Variants in DENND10 observed in about 807,000 individuals in gnomAD.
DENND10 encodes DENN domain containing 10, also known as DENN domain-containing protein 10.
In DENND10, 24 loss-of-function variants were observed where a neutral mutation model predicts 43.6. The ratio of observed to expected loss-of-function variants is 0.55; its 90% CI spans 0.40 to 0.77. The LOEUF is 0.77. DENND10 is among the 30% of genes least tolerant of loss of function. The pLI is 0.00. For synonymous variants in DENND10, 125 were observed against 157.6 expected (o/e 0.79, Z 1.55); for missense variants, 303 against 429.9 (o/e 0.70, Z 2.61).
intron 2 of DENND10, among the ~76,000 whole-genome samples, chr10:119,108,676 A>C: frequency 6.7e-6 from 1 of 149,400 alleles, no homozygotes; most frequent in Non-Finnish European, 1.5e-5. Context: ...TGTTTTTTTG[A>C]GATGGAGTTT....
At chr10:119,133,095 T>C (rs2420496) in intron 8 of DENND10, 100,188 of 160,442 alleles carry the variant, frequency 0.62, 31,769 homozygotes, top group African/African-American at 0.7. Flanking sequence ...TCCTTGCTGG[T>C]GTCTACCTGG....
rs188595639 is a variant in DENND10, at chr10:119,132,462, C to T, written c.803-53C>T. On this transcript the variant is annotated intron_variant, in intron 7 of 8. Coordinates refer to ENST00000361432, the MANE Select transcript of DENND10 (RefSeq NM_207009.4). This position sits in a 1 kb window ranked among gnomAD's most constrained non-coding sequence, Gnocchi z 4.2. The stretch of plus-strand genomic sequence containing the variant: ...GTCTTCCAAGTTTTCAGATAGATGG[C>T]ATGATTATTTTTTATGTCGATTTCT... 2.7e-4 allele frequency: 388 copies of T among 1,455,176 alleles called. 2 individuals carry two copies. The East Asian group carries it at 7.9e-3, about 30-fold the overall frequency. 90.1% of individuals were successfully genotyped at this position (1,455,176 alleles called of 1,614,324 possible).
intron 6 of DENND10, among the ~76,000 whole-genome samples, chr10:119,126,057 T>A (rs1845816626): frequency 6.6e-6 from 1 of 152,190 alleles, no homozygotes; most frequent in African/African-American, 2.4e-5. Flanking sequence ...CATGCAAAAT[T>A]TGTCTTTCTG....
chr10:119,124,615 C>G (rs2133506604), intron 6 of DENND10, among the ~76,000 whole-genome samples: 2 of 152,160 alleles, frequency 1.3e-5, no homozygotes, highest in East Asian at 3.9e-4. Context: ...AACTCCCGAA[C>G]TCAAGCGATC....
At position 119,125,496 on chromosome 10, in the gene DENND10, G is replaced by GCTTTTTTTTT. The variant is rs1564795181; in HGVS notation, c.694+1927_694+1928insCTTTTTTTTT. 1.7e-5 allele frequency among the ~76,000 whole-genome samples: 2 copies of GCTTTTTTTTT among 116,232 alleles called. 1 individual carries two copies. Among genetic ancestry groups the GCTTTTTTTTT allele is most frequent in the African/African-American group, 6.4e-5 (2 of 31,426 alleles). The allele number at this position is 116,232 out of a possible 152,430, so 76.3% of individuals were successfully genotyped here. A position where few individuals can be genotyped will look rare whatever the true frequency, so the allele number is the denominator to read the frequency against. On this transcript the variant is annotated intron_variant, in intron 6 of 8. Transcript: ENST00000361432. ...TAAGAACATTGTGATTCCACTTCTA[G>GCTTTTTTTTT]TTTTCTTTTTTTTTTTTTTTTTTTT...
intron 1 of DENND10, among the ~76,000 whole-genome samples, chr10:119,105,868 T>C (rs192895232): frequency 6.6e-6 from 1 of 151,446 alleles, no homozygotes; most frequent in Admixed American, 6.6e-5. Flanking sequence ...GGTGACAGAG[T>C]GAGACCCCCC....
intron 1 of DENND10, 69 bp downstream of exon 1, chr10:119,104,266 G>A (rs1844572072): frequency 3.6e-6 from 5 of 1,398,988 alleles, no homozygotes; most frequent in Non-Finnish European, 4.7e-6. Flanking sequence ...TCGGCCCGGG[G>A]CAGCCCGGGC....
At chr10:119,107,701 G>A (rs1844764524) in intron 1 of DENND10, among the ~76,000 whole-genome samples, 1 of 152,136 alleles carries the variant, frequency 6.6e-6, no homozygotes, top group African/African-American at 2.4e-5. Context: ...ATCGTGCCCG[G>A]CCAAAACTCT....
At chr10:119,118,767 C>T (rs1845416017) in intron 4 of DENND10, among the ~76,000 whole-genome samples, 1 of 151,500 alleles carries the variant, frequency 6.6e-6, no homozygotes, top group Non-Finnish European at 1.5e-5. Flanking sequence ...ACTTCCTGGG[C>T]TCAAGCAATC....
chr10:119,124,376 A>AT (rs1292439965), intron 6 of DENND10, among the ~76,000 whole-genome samples: 2 of 146,214 alleles, frequency 1.4e-5, no homozygotes, highest in Non-Finnish European at 3.0e-5. Context: ...AATACCAAAA[A>AT]AAAAAAAAAA....
At chr10:119,129,375 C>CT in intron 6 of DENND10, 140 bp from the exon 7 acceptor site, 1 of 626,418 alleles carries the variant, frequency 1.6e-6, no homozygotes, top group Non-Finnish European at 2.9e-6. Context: ...GTCTTACTAA[C>CT]TGCCACAGGG....
intron 4 of DENND10, among the ~76,000 whole-genome samples, chr10:119,119,247 G>A (rs371447032): frequency 6.7e-4 from 101 of 151,494 alleles, no homozygotes; most frequent in South Asian, 4.6e-3. Context: ...CAGGTGATCC[G>A]TCTGCCTCGG....
chr10:119,135,465 T>C (rs913897195), intron 8 of DENND10, among the ~76,000 whole-genome samples: 1 of 151,870 alleles, frequency 6.6e-6, no homozygotes, highest in East Asian at 1.9e-4. Context: ...GTGGCTTTTG[T>C]TGGGGGGGAG....
chr10:119,120,740 A>T (rs573204440), intron 5 of DENND10, among the ~76,000 whole-genome samples: 16 of 152,326 alleles, frequency 1.1e-4, no homozygotes, highest in Non-Finnish European at 1.8e-4. Flanking sequence ...CTGCCTAGGT[A>T]GCACAAAAGC....
At chr10:119,104,264 G>GGGCAGCCCGGGCTCCCGC in intron 1 of DENND10, 67 bp downstream of exon 1, 3 of 1,409,114 alleles carry the variant, frequency 2.1e-6, no homozygotes, top group Non-Finnish European at 2.8e-6. Flanking sequence ...CCTCGGCCCG[G>GGGCAGCCCGGGCTCCCGC]GGCAGCCCGG....
At chr10:119,116,245 TC>T (rs1417340192) in intron 3 of DENND10, among the ~76,000 whole-genome samples, 1 of 152,216 alleles carries the variant, frequency 6.6e-6, no homozygotes. Flanking sequence ...GCAGCCAGTT[TC>T]CTGTCAGCAT....
intron 7 of DENND10, among the ~76,000 whole-genome samples, chr10:119,130,892 G>A (rs754407131): frequency 6.6e-6 from 1 of 152,190 alleles, no homozygotes; most frequent in Non-Finnish European, 1.5e-5. Context: ...ATCTTGCCTT[G>A]ATAGTCACCA....
At position 119,112,856 on chromosome 10, in the gene DENND10, G is replaced by GT. The variant is rs1279995319; in HGVS notation, c.332+939dup. 4.7e-3 allele frequency among the ~76,000 whole-genome samples: 679 copies of GT among 143,138 alleles called. 4 individuals carry two copies. Among genetic ancestry groups the GT allele is most frequent in the African/African-American group, 0.015 (570 of 39,302 alleles). The allele number at this position is 143,138 out of a possible 152,430, so 93.9% of individuals were successfully genotyped here. On this transcript the variant is annotated intron_variant, in intron 3 of 8. Coordinates refer to ENST00000361432, the MANE Select transcript of DENND10 (RefSeq NM_207009.4). ...GCTTTTGCAGAGTTTTATTTATTAT[G>GT]TTTTTTTTTTTGAGACAGAGTCTCC...
chr10:119,135,648 C>T (rs749700290), intron 8 of DENND10, among the ~76,000 whole-genome samples: 4 of 151,402 alleles, frequency 2.6e-5, no homozygotes, highest in Non-Finnish European at 2.9e-5. Context: ...AGGGGCTAAG[C>T]GAGGGGAAAT....
Sources: allele counts gnomAD v4.1 joint callset (sites outside exome capture counted in the v4.1 genomes callset), GRCh38; gene constraint gnomAD v4.1.1; non-coding constraint Gnocchi (gnomAD v3.1); transcripts MANE v1.5; gene names NCBI Gene and HGNC (gene_info 2026-07-23, HGNC 2026-07-21).